Variants in C8orf34 observed in about 807,000 individuals in gnomAD.
C8orf34 encodes uncharacterized protein C8orf34.
C8orf34 carries 65 observed loss-of-function variants against 68.3 expected under a neutral mutation model. The ratio of observed to expected loss-of-function variants is 0.95; its 90% CI spans 0.78 to 1.17. The LOEUF (loss-of-function observed/expected upper bound fraction) is 1.17. C8orf34 is among the 50% of genes most tolerant of loss of function. The pLI is 0.00. For missense variants in C8orf34, 664 were observed against 655.4 expected, an observed-to-expected ratio of 1.01 and a Z score of -0.14; for synonymous variants, 244 against 241.2, an observed-to-expected ratio of 1.01 and a Z score of -0.11.
chr8:68,410,979 T>G (rs949148544), intron 1 of C8orf34, among the ~76,000 whole-genome samples: 1 of 152,196 alleles, frequency 6.6e-6, no homozygotes, highest in African/African-American at 2.4e-5. Flanking sequence ...GAACTAATTT[T>G]GGTGTCTTAG....
chr8:68,349,226 ACATAAT>A (rs571317936), intron 1 of C8orf34, among the ~76,000 whole-genome samples: 436 of 152,152 alleles, frequency 2.9e-3, no homozygotes, highest in Non-Finnish European at 4.0e-3. Flanking sequence ...GTGTCTATTG[ACATAAT>A]CATGTGGTTT....
chr8:68,719,931 A>G (rs141400798), intron 9 of C8orf34, among the ~76,000 whole-genome samples: 444 of 152,114 alleles, frequency 2.9e-3, no homozygotes, highest in Non-Finnish European at 4.1e-3. Flanking sequence ...TCTGCAGAAT[A>G]TAATTCAGTT....
chr8:68,481,774 T>C (rs552240597), intron 4 of C8orf34, among the ~76,000 whole-genome samples: 1 of 152,312 alleles, frequency 6.6e-6, no homozygotes, highest in African/African-American at 2.4e-5. Context: ...CCAATACCTA[T>C]ACCCCAATAC....
intron 7 of C8orf34, among the ~76,000 whole-genome samples, chr8:68,577,623 G>A (rs1177886740): frequency 1.3e-5 from 2 of 151,794 alleles, no homozygotes; most frequent in East Asian, 1.9e-4. Flanking sequence ...TACCACTAGG[G>A]GGTGCTAATG....
intron 7 of C8orf34, among the ~76,000 whole-genome samples, chr8:68,619,542 A>G (rs1156705572): frequency 1.3e-5 from 2 of 152,116 alleles, no homozygotes; most frequent in Non-Finnish European, 2.9e-5. Context: ...TTTTAATTTT[A>G]TATTATGTTT....
At chr8:68,448,559 A>G (rs985046529) in intron 3 of C8orf34, among the ~76,000 whole-genome samples, 5 of 152,178 alleles carry the variant, frequency 3.3e-5, no homozygotes, top group African/African-American at 1.2e-4. Context: ...AAAAATTAGT[A>G]GACACATTAG....
At chr8:68,728,520 C>T (rs1484786113) in intron 10 of C8orf34, among the ~76,000 whole-genome samples, 2 of 152,156 alleles carry the variant, frequency 1.3e-5, no homozygotes, top group Non-Finnish European at 2.9e-5. Flanking sequence ...TGTTTTCACG[C>T]TGCTGATAAA....
At chr8:68,331,733 A>G (rs1013158538) in intron 1 of C8orf34, among the ~76,000 whole-genome samples, 2 of 113,454 alleles carry the variant, frequency 1.8e-5, no homozygotes, top group East Asian at 2.6e-4. Flanking sequence ...AATTCACGCT[A>G]TCTTGAGTGT....
intron 7 of C8orf34, among the ~76,000 whole-genome samples, chr8:68,570,404 A>C (rs902208620): frequency 6.6e-6 from 1 of 152,204 alleles, no homozygotes; most frequent in Non-Finnish European, 1.5e-5. Flanking sequence ...AGAGTAATGC[A>C]GTGATTGTGA....
intron 12 of C8orf34, among the ~76,000 whole-genome samples, chr8:68,801,100 A>G (rs1046953897): frequency 6.6e-6 from 1 of 152,160 alleles, no homozygotes; most frequent in African/African-American, 2.4e-5. Context: ...AGCCTCTCCC[A>G]GGGCTCAAGC....
At chr8:68,745,579 G>T (rs1482837033) in intron 10 of C8orf34, among the ~76,000 whole-genome samples, 1 of 152,128 alleles carries the variant, frequency 6.6e-6, no homozygotes, top group East Asian at 1.9e-4. Flanking sequence ...GGCAGGGGTT[G>T]CAATCCTAGT....
intron 1 of C8orf34, among the ~76,000 whole-genome samples, chr8:68,371,584 A>G (rs1307795431): frequency 2.0e-5 from 3 of 149,840 alleles, no homozygotes; most frequent in Non-Finnish European, 4.4e-5. Context: ...TGAGCTTGCC[A>G]CTTACTTCAT....
intron 7 of C8orf34, among the ~76,000 whole-genome samples, chr8:68,540,131 A>G (rs1290659211): frequency 6.6e-6 from 1 of 152,032 alleles, no homozygotes; most frequent in Non-Finnish European, 1.5e-5. Context: ...TAACAATATT[A>G]AATATTTTTT....
chr8:68,604,247 G>A (rs2130517719), intron 7 of C8orf34, among the ~76,000 whole-genome samples: 1 of 151,798 alleles, frequency 6.6e-6, no homozygotes, highest in East Asian at 1.9e-4. Flanking sequence ...ATCCAGGGGT[G>A]CTGGGATAAG....
At chr8:68,703,045 T>G (rs1821065305) in intron 8 of C8orf34, among the ~76,000 whole-genome samples, 1 of 152,114 alleles carries the variant, frequency 6.6e-6, no homozygotes. Flanking sequence ...TCGCAACCAA[T>G]CCCCTTAATG....
chr8:68,614,446 C>T (rs1818129543), intron 7 of C8orf34, among the ~76,000 whole-genome samples: 1 of 151,960 alleles, frequency 6.6e-6, no homozygotes, highest in Non-Finnish European at 1.5e-5. Context: ...GTCTTTAATC[C>T]ATCTTGAATT....
At chr8:68,715,775 AAAG>A (rs758849400) in intron 9 of C8orf34, among the ~76,000 whole-genome samples, 1 of 152,180 alleles carries the variant, frequency 6.6e-6, no homozygotes, top group Non-Finnish European at 1.5e-5. Context: ...TAAATAACTA[AAAG>A]AAGATCTACC....
intron 7 of C8orf34, chr8:68,625,546 C>T (rs759788485): frequency 4.4e-6 from 3 of 687,858 alleles, no homozygotes; most frequent in African/African-American, 1.8e-5. Context: ...GGGATGAGAA[C>T]AGCATGTGAA....
intron 3 of C8orf34, among the ~76,000 whole-genome samples, chr8:68,460,777 C>A (rs1811779915): frequency 6.6e-6 from 1 of 152,060 alleles, no homozygotes; most frequent in African/African-American, 2.4e-5. Context: ...GACATCCACA[C>A]CAAAAACCCA....
Sources: gnomAD v4.1 joint callset for allele counts (sites outside exome capture counted in the v4.1 genomes callset) on GRCh38, gnomAD v4.1.1 for gene constraint, MANE v1.5 for transcripts, NCBI Gene and HGNC (gene_info 2026-07-23, HGNC 2026-07-21) for gene names.